Variants in FBXO25 observed in about 807,000 individuals in gnomAD.
The protein encoded by FBXO25 is F-box protein 25.
In FBXO25, 45 loss-of-function variants were observed where a neutral mutation model predicts 51.9. That is an observed-to-expected ratio of 0.87 (90% CI 0.68 to 1.11). The LOEUF is 1.11. Among genes scored for constraint, FBXO25 ranks in the 50% most tolerant of loss-of-function variants. The pLI, the probability that FBXO25 is intolerant of heterozygous loss-of-function variation, is 0.00. For synonymous variants in FBXO25, 199 were observed against 151.0 expected (o/e 1.32, Z -2.33); for missense variants, 507 against 428.5 (o/e 1.18, Z -1.62).
At chr8:418,867 C>G (rs1337503834) in intron 2 of FBXO25, among the ~76,000 whole-genome samples, 1 of 152,128 alleles carries the variant, frequency 6.6e-6, no homozygotes, top group East Asian at 1.9e-4. Flanking sequence ...ACTACTCACT[C>G]TTACTGTGGA....
rs1800528163 is a variant in FBXO25 at position 472,908 on chromosome 8, A to G, written c.*4104A>G. 6.6e-6 allele frequency: 1 copy of G among 152,210 alleles called. No homozygotes were observed. The highest frequency in any genetic ancestry group is 6.5e-5 in the Admixed American group (1 of 15,284). The allele number at this position is 152,210 out of a possible 1,614,324, so 9.4% of individuals were successfully genotyped here. A position where few individuals can be genotyped will look rare whatever the true frequency, so the allele number is the denominator to read the frequency against. The stretch of plus-strand genomic sequence containing the variant: ...TCGACTTTTTAATCTCCCTCTCTTC[A>G]TTATGATGTGTGCACGTGATGGACA... On this transcript the variant is annotated 3_prime_UTR_variant, in exon 10 of 10. Coordinates refer to ENST00000350302, the MANE Select transcript of FBXO25 (RefSeq NM_183420.2).
At position 468,928 on chromosome 8, in the gene FBXO25, G is replaced by C. The variant is rs1011821896; in HGVS notation, c.*124G>C. The C allele has an allele frequency of 1.4e-5, 12 of 851,336 alleles. No individual in the cohort carries two copies. Among genetic ancestry groups the C allele is most frequent in the Admixed American group, 8.5e-5 (3 of 35,404 alleles). The allele number at this position is 851,336 out of a possible 1,614,324, so 52.7% of individuals were successfully genotyped here. A position where few individuals can be genotyped will look rare whatever the true frequency, so the allele number is the denominator to read the frequency against. On this transcript the variant is annotated 3_prime_UTR_variant, in exon 10 of 10. Transcript: ENST00000350302. ...CCCCTGCTTCCAGAAAGCCTGGGAA[G>C]AACTGCCCTTCTGCAAAGGGGGGAC...
intron 9 of FBXO25, chr8:467,666 T>C: frequency 3.1e-6 from 5 of 1,595,942 alleles, no homozygotes; most frequent in Non-Finnish European, 3.4e-6. Flanking sequence ...ACTTTTCCTT[T>C]TTTTCCCTCC....
intron 2 of FBXO25, among the ~76,000 whole-genome samples, chr8:421,511 A>C (rs115466681): frequency 0.059 from 8,924 of 152,310 alleles, 287 homozygotes; most frequent in Middle Eastern, 0.078. Flanking sequence ...TACATATTCT[A>C]GGAAGAAGTT....
intron 5 of FBXO25, among the ~76,000 whole-genome samples, chr8:448,024 A>T (rs868346545): frequency 6.6e-6 from 1 of 152,212 alleles, no homozygotes; most frequent in Non-Finnish European, 1.5e-5. Context: ...AAAAAAGGTG[A>T]TGGAAATAAT....
intron 8 of FBXO25, among the ~76,000 whole-genome samples, chr8:461,817 T>C (rs914817779): frequency 3.9e-5 from 6 of 152,228 alleles, no homozygotes; most frequent in Admixed American, 2.0e-4. Flanking sequence ...GGCTCCATGT[T>C]GTAGAATAAA....
In FBXO25 at chr8:432,954, A is replaced by G. The variant is rs915307918; in HGVS notation, c.288+19A>G. ...AAAGGAAGTAAGTATTCTATTATAA[A>G]TATGAGAGTATCTTGTATTGTTTCT... is the stretch of plus-strand genomic sequence containing the variant. On this transcript the variant is annotated intron_variant, in intron 4 of 9. Coordinates refer to ENST00000350302, the MANE Select transcript of FBXO25 (RefSeq NM_183420.2). 6.5e-7 allele frequency: 1 copy of G among 1,544,310 alleles called. No homozygotes were observed. Among genetic ancestry groups the G allele is most frequent in the African/African-American group, 1.4e-5 (1 of 71,436 alleles).
rs1800620516 is a variant in FBXO25 at position 475,635 on chromosome 8, C to T, written c.*6831C>T. Reference sequence around the variant, plus strand: ...TTTTCAAGTACAAGTCTTTTGCTTCCTTAAGTTTATTCCTAAATATTTCAG... The same window carrying T: ...TTTTCAAGTACAAGTCTTTTGCTTCTTTAAGTTTATTCCTAAATATTTCAG... On this transcript the variant is annotated 3_prime_UTR_variant, in exon 10 of 10. Coordinates refer to ENST00000350302, the MANE Select transcript of FBXO25 (RefSeq NM_183420.2). 1 of 152,062 alleles carries T rather than the reference C, an allele frequency of 6.6e-6. No homozygotes were observed. The highest frequency in any genetic ancestry group is 2.1e-4 in the South Asian group (1 of 4,824). 9.4% of individuals were successfully genotyped at this position (152,062 alleles called of 1,614,324 possible).
intron 2 of FBXO25, among the ~76,000 whole-genome samples, chr8:414,657 T>C (rs551010341): frequency 9.9e-5 from 15 of 152,220 alleles, no homozygotes; most frequent in Admixed American, 3.3e-4. Flanking sequence ...ATGTTTTCTT[T>C]GCATAACTGG....
intron 7 of FBXO25, among the ~76,000 whole-genome samples, chr8:451,869 T>C (rs1172017162): frequency 1.3e-5 from 2 of 152,248 alleles, no homozygotes; most frequent in African/African-American, 2.4e-5. Context: ...GTGTTTATAG[T>C]TCTTAGCAAC....
At chr8:439,268 C>T (rs1340263070) in intron 5 of FBXO25, among the ~76,000 whole-genome samples, 3 of 152,210 alleles carry the variant, frequency 2.0e-5, no homozygotes, top group African/African-American at 4.8e-5. Flanking sequence ...CAGGAGGTGG[C>T]TTCTGACAGC....
chr8:438,848 C>T (rs1184151407), intron 5 of FBXO25, among the ~76,000 whole-genome samples: 3 of 152,190 alleles, frequency 2.0e-5, no homozygotes, highest in African/African-American at 7.2e-5. Context: ...CCTCACCGCC[C>T]CCATCATGTC....
intron 7 of FBXO25, among the ~76,000 whole-genome samples, chr8:454,707 C>G (rs1046643416): frequency 6.6e-6 from 1 of 151,908 alleles, no homozygotes; most frequent in Non-Finnish European, 1.5e-5. Context: ...CTGGCTAACA[C>G]GGTGAAATCC....
intron 2 of FBXO25, chr8:420,330 C>G (rs1415145838): frequency 6.6e-6 from 1 of 152,208 alleles, no homozygotes; most frequent in African/African-American, 2.4e-5. Flanking sequence ...AATATGCTCT[C>G]CAACCCTGCT....
chr8:449,076 G>T (rs945858724), intron 5 of FBXO25, among the ~76,000 whole-genome samples: 38 of 146,250 alleles, frequency 2.6e-4, no homozygotes, highest in Admixed American at 2.4e-3. Flanking sequence ...TAACCTGAAG[G>T]CTGGTAAAAG....
At chr8:430,443 C>CTT (rs960106579) in intron 2 of FBXO25, among the ~76,000 whole-genome samples, 7 of 145,218 alleles carry the variant, frequency 4.8e-5, no homozygotes, top group African/African-American at 1.8e-4. Flanking sequence ...GCAAAGTCAG[C>CTT]TTTTTTTTTT....
rs1800371765 is a variant in FBXO25 at position 468,923 on chromosome 8, G to C, written c.*119G>C. On this transcript the variant is annotated 3_prime_UTR_variant, in exon 10 of 10. Transcript: ENST00000350302. ...GGAAGCCCCTGCTTCCAGAAAGCCT[G>C]GGAAGAACTGCCCTTCTGCAAAGGG... The C allele has an allele frequency of 1.1e-6, 1 of 876,816 alleles. No homozygotes were observed. Among genetic ancestry groups the C allele is most frequent in the Non-Finnish European group, 1.7e-6 (1 of 591,966 alleles). The allele number at this position is 876,816 out of a possible 1,614,324, so 54.3% of individuals were successfully genotyped here.
At chr8:459,654 G>T (rs932680901) in intron 8 of FBXO25, among the ~76,000 whole-genome samples, 81 of 152,340 alleles carry the variant, frequency 5.3e-4, no homozygotes, top group African/African-American at 1.9e-3. Flanking sequence ...ATGGGATGGG[G>T]GCTGCCACAG....
At chr8:440,078 C>A (rs1443749040) in intron 5 of FBXO25, among the ~76,000 whole-genome samples, 2 of 152,152 alleles carry the variant, frequency 1.3e-5, no homozygotes, top group African/African-American at 4.8e-5. Context: ...GACCCTGAGC[C>A]CTCCCAGGCG....
Sources: allele counts gnomAD v4.1 joint callset (sites outside exome capture counted in the v4.1 genomes callset), GRCh38; gene constraint gnomAD v4.1.1; transcripts MANE v1.5; gene names NCBI Gene and HGNC (gene_info 2026-07-23, HGNC 2026-07-21).